The following CUX1 variants were observed in gnomAD, a reference collection of about 807,000 sequenced individuals.
CUX1 encodes protein CASP.
A neutral mutation model predicts 158.8 loss-of-function variants in CUX1; 31 were observed. The observed-to-expected ratio is 0.20, with a 90% CI of 0.15 to 0.26. CUX1 has a LOEUF of 0.26. Ranked by LOEUF, CUX1 falls within the 10% of genes least tolerant of loss-of-function variation. The probability of loss-of-function intolerance (pLI) is 1.00; values close to 1 mark genes in which losing one functional copy is unlikely to be tolerated. For synonymous variants in CUX1, 879 were observed against 862.1 expected, an observed-to-expected ratio of 1.02 and a Z score of -0.34; for missense variants, 1,589 against 2,014.6, an observed-to-expected ratio of 0.79 and a Z score of 4.04.
downstream of CUX1, among the ~76,000 whole-genome samples, chr7:102,262,312 C>T (rs1408309363): frequency 6.6e-5 from 10 of 152,164 alleles, no homozygotes; most frequent in Non-Finnish European, 1.2e-4. Context: ...GCAGGAGAAT[C>T]GCTTGAACCC....
chr7:102,036,900 C>A (rs563369977), intron 3 of CUX1, among the ~76,000 whole-genome samples: 9 of 152,056 alleles, frequency 5.9e-5, no homozygotes, highest in Non-Finnish European at 1.2e-4. Flanking sequence ...ATAGATTAAA[C>A]GAAGTTGAGA....
intron 2 of CUX1, among the ~76,000 whole-genome samples, chr7:101,923,485 C>T (rs116161115): frequency 4.0e-4 from 61 of 152,312 alleles, no homozygotes; most frequent in Admixed American, 8.5e-4. Flanking sequence ...TACTCCAGAA[C>T]GCTTCTTGGG....
chr7:102,243,650 T>C (rs1800471131), intron 23 of CUX1, among the ~76,000 whole-genome samples: 1 of 144,776 alleles, frequency 6.9e-6, no homozygotes, highest in Non-Finnish European at 1.5e-5. Context: ...ATAATAATAA[T>C]AATAATAATA....
chr7:102,035,175 G>A (rs200586066), intron 3 of CUX1, among the ~76,000 whole-genome samples: 2 of 151,810 alleles, frequency 1.3e-5, no homozygotes, highest in Non-Finnish European at 2.9e-5. Flanking sequence ...AGCTAGCAGA[G>A]AAGACAAAAA....
intron 8 of CUX1, among the ~76,000 whole-genome samples, chr7:102,123,236 T>TAA (rs200334224): frequency 7.5e-6 from 1 of 132,468 alleles, no homozygotes; most frequent in Admixed American, 7.5e-5. Context: ...GTCTCAAAAA[T>TAA]AAAAAAAAAA....
At chr7:102,131,330 C>T (rs940982906) in intron 8 of CUX1, among the ~76,000 whole-genome samples, 61 of 151,934 alleles carry the variant, frequency 4.0e-4, no homozygotes, top group Admixed American at 1.3e-4. Flanking sequence ...TTTTTGCAGA[C>T]GTCAAAACTA....
At chr7:102,223,258 A>G (rs782358684) in intron 20 of CUX1, among the ~76,000 whole-genome samples, 12 of 152,036 alleles carry the variant, frequency 7.9e-5, no homozygotes, top group Non-Finnish European at 1.5e-4. Context: ...CCCTGTCTCT[A>G]TTTTTTAAAG....
chr7:102,237,459 T>A (rs1381018121), intron 22 of CUX1, among the ~76,000 whole-genome samples: 1 of 152,062 alleles, frequency 6.6e-6, no homozygotes, highest in Non-Finnish European at 1.5e-5. Flanking sequence ...ATTTTTAAAT[T>A]TTTTTTGAGA....
chr7:102,244,330 C>CAAAA (rs11394338), intron 23 of CUX1, among the ~76,000 whole-genome samples: 1 of 150,128 alleles, frequency 6.7e-6, no homozygotes, highest in African/African-American at 2.4e-5. Context: ...TTTGCCCCCT[C>CAAAA]AAAAAAAAAA....
intron 3 of CUX1, among the ~76,000 whole-genome samples, chr7:102,069,067 C>T (rs542130733): frequency 6.6e-6 from 1 of 152,320 alleles, no homozygotes; most frequent in South Asian, 2.1e-4. Context: ...CTGGGCCTCA[C>T]GTCAACTGTG....
At chr7:102,275,316 G>A (rs1586524200) in exon 17 of CUX1, 1 of 1,613,052 alleles carries the variant, frequency 6.2e-7, no homozygotes, top group South Asian at 1.1e-5. Context: ...ATCATCTCCA[G>A]CCAGAGGGAG....
At chr7:102,047,003 C>G (rs1242377874) in intron 3 of CUX1, among the ~76,000 whole-genome samples, 2 of 152,196 alleles carry the variant, frequency 1.3e-5, no homozygotes, top group African/African-American at 4.8e-5. Flanking sequence ...CCCTACCTTG[C>G]TCATGACAGG....
chr7:102,202,231 G>A (rs782562276), intron 18 of CUX1, 27 bp downstream of exon 18: 14 of 1,561,786 alleles, frequency 9.0e-6, no homozygotes, highest in Non-Finnish European at 1.2e-5. Context: ...GGGGGCTTTG[G>A]TTCTCCCATC....
At chr7:102,191,885 G>A (rs1208767922) in intron 12 of CUX1, among the ~76,000 whole-genome samples, 7 of 151,118 alleles carry the variant, frequency 4.6e-5, no homozygotes, top group South Asian at 4.2e-4. Context: ...AACACATACC[G>A]TTCTACTCCC....
intron 1 of CUX1, among the ~76,000 whole-genome samples, chr7:101,843,686 T>A (rs909980318): frequency 1.3e-5 from 2 of 152,208 alleles, no homozygotes; most frequent in African/African-American, 4.8e-5. Context: ...TTTGTCTTTC[T>A]GTCAAACAAG....
chr7:101,982,585 C>G (rs1813575555), intron 2 of CUX1, among the ~76,000 whole-genome samples: 1 of 152,120 alleles, frequency 6.6e-6, no homozygotes, highest in South Asian at 2.1e-4. Flanking sequence ...GGCCACCATG[C>G]CCGGCTAATT....
rs1795483715 is a variant in CUX1 at position 102,201,867 on chromosome 7, G to A, written c.2570G>A (p.Ser857Asn). The A allele has an allele frequency of 5.6e-6, 9 of 1,613,428 alleles. No individual in the cohort carries two copies. Among genetic ancestry groups the A allele is most frequent in the South Asian group, 3.3e-5 (3 of 91,074 alleles). Residue 857 changes from serine to asparagine, a missense_variant, in exon 18 of 24, where the codon AGC becomes AAC. Transcript: ENST00000292535. The surrounding 1 kb of genome is among the most constrained non-coding windows in gnomAD (Gnocchi z 5.0). Reference protein sequence around the residue: ...GGGKEKGSGGSGGGSQPRAER... With the variant: ...GGGKEKGSGGNGGGSQPRAER... ...GGGAAAGAGAAGGGCAGCGGTGGCAGCGGAGGTGGCAGCCAGCCTCGGGCC... is the reference window on the plus strand; with the variant it reads ...GGGAAAGAGAAGGGCAGCGGTGGCAACGGAGGTGGCAGCCAGCCTCGGGCC...
chr7:102,281,837 C>T, intron 20 of CUX1: 2 of 1,610,308 alleles, frequency 1.2e-6, no homozygotes, highest in African/African-American at 1.3e-5. Flanking sequence ...TCCTTGCTCC[C>T]AGGGGCGTCT....
In CUX1 at chr7:102,239,372, G is replaced by A. The variant is rs1554533988; in HGVS notation, c.3675G>A (p.Pro1225=). The change falls in exon 23 of 24, where the codon CCG becomes CCA. Residue 1225 remains proline (P), a synonymous_variant. Transcript: ENST00000292535. ...SSVSDSQPCE[P]PSVGTEYSQG... Reference sequence around the variant, plus strand: ...TCAGTGACAGCCAGCCCTGCGAACCGCCCTCTGTCGGCACCGAGTACAGCC... The same window carrying A: ...TCAGTGACAGCCAGCCCTGCGAACCACCCTCTGTCGGCACCGAGTACAGCC... 1.2e-6 allele frequency: 2 copies of A among 1,612,626 alleles called. No individual in the cohort carries two copies. The highest frequency in any genetic ancestry group is 1.7e-6 in the Non-Finnish European group (2 of 1,179,674).
Sources: allele counts gnomAD v4.1 joint callset (sites outside exome capture counted in the v4.1 genomes callset), GRCh38; gene constraint gnomAD v4.1.1; non-coding constraint Gnocchi (gnomAD v3.1); transcripts MANE v1.5; gene names NCBI Gene and HGNC (gene_info 2026-07-23, HGNC 2026-07-21).